The following ZBTB25 variants were observed in gnomAD, a reference collection of about 807,000 sequenced individuals.
ZBTB25 encodes zinc finger and BTB domain containing 25, also known as zinc finger and BTB domain-containing protein 25.
ZBTB25 carries 20 observed loss-of-function variants against 34.2 expected under a neutral mutation model. The ratio of observed to expected loss-of-function variants is 0.58; its 90% CI spans 0.41 to 0.85. The LOEUF (loss-of-function observed/expected upper bound fraction) is 0.85, where lower values mean the gene tolerates loss of function less well. Among genes scored for constraint, ZBTB25 ranks in the 40% least tolerant of loss-of-function variants. The pLI is 0.00. For missense variants in ZBTB25, 437 were observed against 521.8 expected (o/e 0.84, Z 1.58); for synonymous variants, 175 against 186.4 (o/e 0.94, Z 0.50).
At chr14:64,497,175 A>C (rs1300638621) in intron 1 of ZBTB25, among the ~76,000 whole-genome samples, 1 of 152,102 alleles carries the variant, frequency 6.6e-6, no homozygotes, top group Non-Finnish European at 1.5e-5. Flanking sequence ...TTAAAAAAAA[A>C]ACACCAAGTA....
At chr14:64,505,178 C>G (rs1002713608), upstream of ZBTB25, 1 of 329,966 alleles carries the variant, frequency 3.0e-6, no homozygotes, top group South Asian at 1.5e-4. Flanking sequence ...GGCGAAGCCC[C>G]TACGGAGACT....
At chr14:64,503,529 A>C in intron 1 of ZBTB25, 132 bp downstream of exon 1, 1 of 985,924 alleles carries the variant, frequency 1.0e-6, no homozygotes, top group Non-Finnish European at 1.2e-6. Context: ...CAATCGGACC[A>C]AAAACACCCC....
upstream of ZBTB25, chr14:64,505,017 C>T (rs1483665425): frequency 1.3e-5 from 5 of 387,764 alleles, no homozygotes; most frequent in Middle Eastern, 1.9e-3. Flanking sequence ...GGCCGCGGGC[C>T]TGGCGGAGTG....
chr14:64,487,230 G>A lies in ZBTB25; in HGVS notation c.1001C>T (p.Pro334Leu), dbSNP rs1298528712. The change falls in exon 3 of 3, where the codon CCA (proline) becomes CTA (leucine). Residue 334 changes from proline (P) to leucine (L), a missense_variant. By Grantham distance (98) the Pro-to-Leu change is moderately conservative. Transcript: ENST00000608382. ...AGAAAAATTACAGTTTAATTCTACT[G>A]GCTCTGTGTCTTTGGAGATCAAAGA... ...QVSLISKDTE[P>L]VELNCNFSFS... 2 of 1,614,094 alleles carry A rather than the reference G, an allele frequency of 1.2e-6. No individual in the cohort carries two copies. Among genetic ancestry groups the A allele is most frequent in the Admixed American group, 3.3e-5 (2 of 60,022 alleles).
chr14:64,457,114 T>C (rs1453989768), intron 2 of ZBTB25, among the ~76,000 whole-genome samples: 1 of 152,242 alleles, frequency 6.6e-6, no homozygotes, highest in Non-Finnish European at 1.5e-5. Context: ...CCAGTAAGAA[T>C]GGTGATTATA....
chr14:64,456,027 ATG>A (rs2078467337), intron 2 of ZBTB25, among the ~76,000 whole-genome samples: 1 of 152,214 alleles, frequency 6.6e-6, no homozygotes, highest in Non-Finnish European at 1.5e-5. Flanking sequence ...GTGCAGAAAT[ATG>A]TGTTGTTCTT....
At position 64,484,918 on chromosome 14, in the gene ZBTB25, A is replaced by G; in HGVS notation, c.*2005T>C. The G allele has an allele frequency of 1.2e-6, 1 of 832,364 alleles. No homozygotes were observed. Among genetic ancestry groups the G allele is most frequent in the Non-Finnish European group, 1.4e-6 (1 of 690,436 alleles). 51.6% of individuals were successfully genotyped at this position (832,364 alleles called of 1,614,324 possible). A position where few individuals can be genotyped will look rare whatever the true frequency, so the allele number is the denominator to read the frequency against. ...GTTGCTTAAGTGAATTGGTAGAAAA[A>G]AGTTTAAGATTAGACAAAGTTCTGA... On this transcript the variant is annotated 3_prime_UTR_variant, in exon 3 of 3. Coordinates refer to ENST00000608382, the MANE Select transcript of ZBTB25 (RefSeq NM_006977.5).
At chr14:64,475,654 G>A (rs1861399021), downstream of ZBTB25, among the ~76,000 whole-genome samples, 1 of 152,034 alleles carries the variant, frequency 6.6e-6, no homozygotes, top group African/African-American at 2.4e-5. Context: ...AAGTTCCCGA[G>A]CTTAGGAAAG....
intron 1 of ZBTB25, among the ~76,000 whole-genome samples, chr14:64,492,117 C>CAAAAAAAAAAAAAAAAA (rs58321068): frequency 2.7e-5 from 2 of 74,016 alleles, no homozygotes; most frequent in Non-Finnish European, 2.5e-5. Context: ...GACCCTATCT[C>CAAAAAAAAAAAAAAAAA]AAAAAAAAAA....
chr14:64,498,639 T>C (rs1361540398), intron 1 of ZBTB25, among the ~76,000 whole-genome samples: 2 of 150,694 alleles, frequency 1.3e-5, no homozygotes, highest in African/African-American at 2.5e-5. Context: ...TTTATTTTTA[T>C]TTTTATTTTT....
chr14:64,468,242 C>A (rs2078631425), intron 2 of ZBTB25: 3 of 601,808 alleles, frequency 5.0e-6, no homozygotes, highest in Non-Finnish European at 8.1e-6. Context: ...CTAGAGAAAC[C>A]ACCTAAAACA....
At chr14:64,475,263 C>A (rs1372318543), downstream of ZBTB25, among the ~76,000 whole-genome samples, 1 of 152,046 alleles carries the variant, frequency 6.6e-6, no homozygotes, top group Non-Finnish European at 1.5e-5. Context: ...CATGGTGAAA[C>A]CCCGTCTCTA....
intron 1 of ZBTB25, among the ~76,000 whole-genome samples, chr14:64,499,725 T>C (rs1434514383): frequency 6.6e-6 from 1 of 152,244 alleles, no homozygotes; most frequent in East Asian, 1.9e-4. Context: ...TACACCTAGA[T>C]TGGATTTCAT....
At chr14:64,498,334 C>G (rs2140017719) in intron 1 of ZBTB25, among the ~76,000 whole-genome samples, 1 of 149,316 alleles carries the variant, frequency 6.7e-6, no homozygotes, top group African/African-American at 2.5e-5. Context: ...GAGACAGAGT[C>G]TCGCTCTGTC....
rs1346746094 is a variant in ZBTB25 at position 64,487,482 on chromosome 14, C to T, written c.749G>A (p.Arg250His). Reference protein sequence around the residue: ...CHYCGERFDSRSNLRQHLHTH... With the variant: ...CHYCGERFDSHSNLRQHLHTH... ...ATGGAGATGTTGCCTTAGGTTACTA[C>T]GGGAATCAAAACGTTCCCCACAGTA... The change falls in exon 3 of 3, where the codon CGT (arginine) becomes CAT (histidine). Residue 250 changes from arginine (R) to histidine (H), a missense_variant. By Grantham distance (29) the Arg-to-His change is conservative (BLOSUM62 0). Coordinates refer to ENST00000608382, the MANE Select transcript of ZBTB25 (RefSeq NM_006977.5). The T allele has an allele frequency of 1.2e-5, 20 of 1,614,016 alleles. No individual in the cohort carries two copies. Among genetic ancestry groups the T allele is most frequent in the East Asian group, 8.9e-5 (4 of 44,896 alleles).
chr14:64,464,937 G>C (rs1211842229), intron 2 of ZBTB25, among the ~76,000 whole-genome samples: 1 of 152,186 alleles, frequency 6.6e-6, no homozygotes, highest in African/African-American at 2.4e-5. Flanking sequence ...TTGAAAGCCT[G>C]TTTGGCGATG....
rs758021059 is a variant in ZBTB25 at position 64,481,670 on chromosome 14, T to C, written c.*5253A>G. On this transcript the variant is annotated 3_prime_UTR_variant, in exon 3 of 3. Transcript: ENST00000608382. ...AGTACAAATACATACTGAAGCACAA[T>C]GAATTCTTCCAGGTCTTCAAGACAA... 26 of 152,218 alleles carry C rather than the reference T, an allele frequency of 1.7e-4. No individual in the cohort carries two copies. The highest frequency in any genetic ancestry group is 3.4e-4 in the Non-Finnish European group (23 of 68,042). 9.4% of individuals were successfully genotyped at this position (152,218 alleles called of 1,614,324 possible). A position where few individuals can be genotyped will look rare whatever the true frequency, so the allele number is the denominator to read the frequency against.
intron 2 of ZBTB25, chr14:64,467,950 A>G (rs1297021742): frequency 6.6e-6 from 1 of 152,610 alleles, no homozygotes; most frequent in African/African-American, 2.4e-5. Flanking sequence ...AAAACAAAAT[A>G]GAATCACACT....
At chr14:64,494,687 C>A (rs982377196) in intron 1 of ZBTB25, among the ~76,000 whole-genome samples, 2 of 152,062 alleles carry the variant, frequency 1.3e-5, no homozygotes, top group African/African-American at 4.8e-5. Context: ...TAGACACAGA[C>A]ATGACAGGAC....
Sources: gnomAD v4.1 joint callset for allele counts (sites outside exome capture counted in the v4.1 genomes callset) on GRCh38, gnomAD v4.1.1 for gene constraint, MANE v1.5 for transcripts, NCBI Gene and HGNC (gene_info 2026-07-23, HGNC 2026-07-21) for gene names.